The following RFX3 variants were observed in gnomAD, a reference collection of about 807,000 sequenced individuals.
The protein encoded by RFX3 is transcription factor RFX3.
RFX3 carries 14 observed loss-of-function variants against 98.6 expected under a neutral mutation model. The ratio of observed to expected loss-of-function variants is 0.14; its 90% CI spans 0.09 to 0.22. The LOEUF (loss-of-function observed/expected upper bound fraction) is 0.22. RFX3 is among the 10% of genes least tolerant of loss of function. The pLI is 1.00. For synonymous variants in RFX3, 383 were observed against 328.4 expected, an observed-to-expected ratio of 1.17 and a Z score of -1.80; for missense variants, 639 against 926.9, an observed-to-expected ratio of 0.69 and a Z score of 4.03.
chr9:3,502,044 G>T (rs951675928), intron 1 of RFX3, among the ~76,000 whole-genome samples: 1 of 151,290 alleles, frequency 6.6e-6, no homozygotes, highest in African/African-American at 2.4e-5. Context: ...GAGGTCAGGA[G>T]ATCGAGACCA....
chr9:3,367,972 T>C (rs1316124917), intron 2 of RFX3, among the ~76,000 whole-genome samples: 1 of 152,200 alleles, frequency 6.6e-6, no homozygotes, highest in Non-Finnish European at 1.5e-5. Flanking sequence ...ATATATAAGA[T>C]AACCAGAGCT....
Position 3,232,038 on chromosome 9 carries a change from A to ACAAGCAAGCAAGCAAG in RFX3, c.1969-3165_1969-3150dup, listed in dbSNP as rs66952089. Reference sequence around the variant, plus strand: ...ACAGGAGCGAAACTCTGTCTCAAAAACAAGCAAGCAAGCAAGCAAGCAAGC... The same window carrying ACAAGCAAGCAAGCAAG: ...ACAGGAGCGAAACTCTGTCTCAAAAACAAGCAAGCAAGCAAGCAAGCAAGCAAGCAAGCAAGCAAGC... On this transcript the variant is annotated intron_variant, in intron 15 of 16. Transcript: ENST00000617270. Among the ~76,000 whole-genome samples the ACAAGCAAGCAAGCAAG allele has an allele frequency of 3.7e-4, 23 of 62,954 alleles. No individual in the cohort carries two copies. In the Middle Eastern group the frequency reaches 0.021, roughly 58 times the overall value. The allele number at this position is 62,954 out of a possible 152,430, so 41.3% of individuals were successfully genotyped here. A position where few individuals can be genotyped will look rare whatever the true frequency, so the allele number is the denominator to read the frequency against.
At chr9:3,304,055 G>A (rs533439486) in intron 4 of RFX3, among the ~76,000 whole-genome samples, 58 of 152,062 alleles carry the variant, frequency 3.8e-4, no homozygotes, top group Middle Eastern at 3.4e-3. Flanking sequence ...CTTCTACAAG[G>A]AAGACACCAG....
chr9:3,426,534 T>A (rs564914169), intron 1 of RFX3, among the ~76,000 whole-genome samples: 85 of 151,754 alleles, frequency 5.6e-4, no homozygotes, highest in Non-Finnish European at 1.1e-3. Flanking sequence ...GAGCAGGAGG[T>A]GAGCAGCAGG....
intron 1 of RFX3, among the ~76,000 whole-genome samples, chr9:3,419,202 C>T (rs925880062): frequency 3.9e-5 from 6 of 151,984 alleles, no homozygotes; most frequent in Admixed American, 6.5e-5. Flanking sequence ...TGCGCAACTT[C>T]GATGCTTTCA....
intron 6 of RFX3, among the ~76,000 whole-genome samples, chr9:3,292,759 T>C (rs2129641916): frequency 6.6e-6 from 1 of 152,272 alleles, no homozygotes; most frequent in South Asian, 2.1e-4. Context: ...TGTGTGTGTG[T>C]ATGTGTTTGT....
At chr9:3,393,153 G>A (rs1464444987) in intron 2 of RFX3, among the ~76,000 whole-genome samples, 3 of 151,832 alleles carry the variant, frequency 2.0e-5, no homozygotes, top group Admixed American at 6.6e-5. Context: ...AAAAAATCAA[G>A]GTGCAGTAAA....
At chr9:3,445,885 G>A (rs763134856) in intron 1 of RFX3, among the ~76,000 whole-genome samples, 3 of 152,100 alleles carry the variant, frequency 2.0e-5, no homozygotes, top group Non-Finnish European at 4.4e-5. Flanking sequence ...CCTGGTGAAT[G>A]AAGTTTTATC....
At chr9:3,472,235 T>C (rs555561997) in intron 1 of RFX3, among the ~76,000 whole-genome samples, 1 of 152,282 alleles carries the variant, frequency 6.6e-6, no homozygotes, top group Non-Finnish European at 1.5e-5. Context: ...GCACCGGATA[T>C]TAAGGTGTAA....
intron 2 of RFX3, among the ~76,000 whole-genome samples, chr9:3,370,236 T>G (rs1230551520): frequency 6.6e-5 from 10 of 150,672 alleles, no homozygotes; most frequent in Admixed American, 5.3e-4. Context: ...ATCCAATGAG[T>G]ACACATAGGT....
intron 1 of RFX3, among the ~76,000 whole-genome samples, chr9:3,418,076 C>T (rs190032000): frequency 1.2e-4 from 19 of 152,244 alleles, no homozygotes; most frequent in African/African-American, 4.3e-4. Flanking sequence ...TTTCACATAG[C>T]ACAATGAATA....
At position 3,257,069 on chromosome 9, in the gene RFX3, T is replaced by C; in HGVS notation, c.1736A>G (p.Gln579Arg). The C allele has an allele frequency of 6.2e-7, 1 of 1,614,046 alleles. No individual in the cohort carries two copies. Among genetic ancestry groups the C allele is most frequent in the South Asian group, 1.1e-5 (1 of 91,066 alleles). ...TCTTCCTTCATAGGGTTTCAGTGCT[T>C]GCATCATCACATTGTCAAGCCACGC... The part of the protein sequence containing the change: ...WAAWLDNVMM[Q>R]ALKPYEGRPS... The change falls in exon 14 of 17, where the codon CAA becomes CGA. Residue 579 changes from glutamine (Q) to arginine (R), a missense_variant. Gln to Arg is a conservative substitution (Grantham distance 43, BLOSUM62 1). Coordinates refer to ENST00000617270, the MANE Select transcript of RFX3 (RefSeq NM_001282116.2).
chr9:3,362,530 C>T (rs919778699), intron 2 of RFX3, among the ~76,000 whole-genome samples: 1 of 152,144 alleles, frequency 6.6e-6, no homozygotes, highest in Non-Finnish European at 1.5e-5. Flanking sequence ...ACATCAAAAG[C>T]CTGCTTCTTA....
At chr9:3,487,389 A>G (rs1266300260) in intron 1 of RFX3, among the ~76,000 whole-genome samples, 1 of 152,226 alleles carries the variant, frequency 6.6e-6, no homozygotes, top group East Asian at 1.9e-4. Context: ...TTAAAACTAT[A>G]CTACTCTTTA....
At chr9:3,357,453 A>G (rs1252845320) in intron 2 of RFX3, among the ~76,000 whole-genome samples, 1 of 152,036 alleles carries the variant, frequency 6.6e-6, no homozygotes, top group African/African-American at 2.4e-5. Flanking sequence ...TACAATTACA[A>G]GAGAAATTAG....
chr9:3,424,423 G>A (rs1384658260), intron 1 of RFX3, among the ~76,000 whole-genome samples: 8 of 132,204 alleles, frequency 6.1e-5, no homozygotes, highest in South Asian at 2.5e-4. Context: ...GTGCAGTGGC[G>A]CGATCTCGAC....
chr9:3,482,156 T>TA (rs149017955), intron 1 of RFX3, among the ~76,000 whole-genome samples: 4,754 of 151,938 alleles, frequency 0.031, 101 homozygotes, highest in Non-Finnish European at 0.048. Flanking sequence ...ACATGATACA[T>TA]ACATACAATG....
chr9:3,256,920 A>G (rs1822219839), intron 14 of RFX3, 71 bp downstream of exon 14: 1 of 1,368,812 alleles, frequency 7.3e-7, no homozygotes, highest in Non-Finnish European at 1.0e-6. Context: ...TCACAGAAGC[A>G]TATACAAACA....
rs561898554 is a variant in RFX3 at position 3,393,776 on chromosome 9, T to C, written c.117+1696A>G. ...AACCAATAAAGTGGGCGCTAAACAA[T>C]TGGTACACATGAACATAAAGATGAC... On this transcript the variant is annotated intron_variant, in intron 2 of 16. Transcript: ENST00000617270. Among the ~76,000 whole-genome samples, 148 of 152,196 alleles carry C rather than the reference T, an allele frequency of 9.7e-4. 1 individual carries two copies. The highest frequency in any genetic ancestry group is 1.1e-3 in the Non-Finnish European group (76 of 68,008).
Sources: allele counts gnomAD v4.1 joint callset (sites outside exome capture counted in the v4.1 genomes callset), GRCh38; gene constraint gnomAD v4.1.1; transcripts MANE v1.5; gene names NCBI Gene and HGNC (gene_info 2026-07-23, HGNC 2026-07-21).